The following MAGI1 variants were observed in gnomAD, a reference collection of about 807,000 sequenced individuals.
MAGI1 encodes the protein membrane-associated guanylate kinase, WW and PDZ domain-containing protein 1.
Under a neutral mutation model 139.9 loss-of-function variants are expected in MAGI1, and 58 were observed. The observed-to-expected ratio is 0.41, with a 90% confidence interval of 0.34 to 0.52. The LOEUF is 0.52. MAGI1 is among the 20% of genes least tolerant of loss of function. The pLI is 0.12. For missense variants in MAGI1, 1,874 were observed against 1,901.6 expected, an observed-to-expected ratio of 0.99 and a Z score of 0.27; for synonymous variants, 812 against 737.9, an observed-to-expected ratio of 1.10 and a Z score of -1.63.
chr3:65,372,415 G>T (rs1393764923), intron 18 of MAGI1, among the ~76,000 whole-genome samples: 1 of 152,146 alleles, frequency 6.6e-6, no homozygotes, highest in Non-Finnish European at 1.5e-5. Context: ...TGTCATCCAG[G>T]CTTTGTTGTT....
intron 1 of MAGI1, among the ~76,000 whole-genome samples, chr3:65,824,003 A>G (rs573110936): frequency 2.0e-5 from 3 of 152,300 alleles, no homozygotes; most frequent in African/African-American, 7.2e-5. Context: ...GTCCTCACTG[A>G]TAAAATGAAG....
At chr3:65,554,733 C>A (rs373267574) in intron 2 of MAGI1, among the ~76,000 whole-genome samples, 1 of 152,184 alleles carries the variant, frequency 6.6e-6, no homozygotes, top group East Asian at 1.9e-4. Flanking sequence ...CACAAAGAAC[C>A]CTCAGTCATC....
At chr3:65,681,656 C>A (rs1345789733) in intron 1 of MAGI1, among the ~76,000 whole-genome samples, 1 of 152,186 alleles carries the variant, frequency 6.6e-6, no homozygotes, top group Non-Finnish European at 1.5e-5. Flanking sequence ...TTTACTGAGA[C>A]TCAGTGCAAA....
chr3:65,664,539 C>A (rs1476530760), intron 1 of MAGI1, among the ~76,000 whole-genome samples: 3 of 152,146 alleles, frequency 2.0e-5, no homozygotes, highest in African/African-American at 7.2e-5. Flanking sequence ...TTGAACTCGA[C>A]CACACCAGTG....
At chr3:65,375,063 A>C (rs1575552393) in intron 18 of MAGI1, among the ~76,000 whole-genome samples, 1 of 152,218 alleles carries the variant, frequency 6.6e-6, no homozygotes, top group South Asian at 2.1e-4. Flanking sequence ...GTCACCATAT[A>C]ATACAGCTCA....
At chr3:65,995,398 A>C (rs2066390080) in intron 1 of MAGI1, among the ~76,000 whole-genome samples, 1 of 152,214 alleles carries the variant, frequency 6.6e-6, no homozygotes, top group South Asian at 2.1e-4. Context: ...AAGAAATAAT[A>C]AGACAGGTCA....
At chr3:65,835,735 A>G (rs146525303) in intron 1 of MAGI1, among the ~76,000 whole-genome samples, 1 of 152,210 alleles carries the variant, frequency 6.6e-6, no homozygotes, top group African/African-American at 2.4e-5. Flanking sequence ...AAATGAGAAC[A>G]TTCTTATTTT....
intron 2 of MAGI1, among the ~76,000 whole-genome samples, chr3:65,563,432 A>G (rs1270027833): frequency 6.6e-6 from 1 of 152,166 alleles, no homozygotes; most frequent in Non-Finnish European, 1.5e-5. Flanking sequence ...CTGATGTTGC[A>G]GAAATGATGG....
intron 1 of MAGI1, among the ~76,000 whole-genome samples, chr3:65,693,762 C>T (rs28394288): frequency 6.6e-6 from 1 of 152,002 alleles, no homozygotes; most frequent in Non-Finnish European, 1.5e-5. Flanking sequence ...CTTGTTCTGT[C>T]ACCCAGGCTG....
At chr3:65,358,559 C>G (rs1442592238) in intron 22 of MAGI1, among the ~76,000 whole-genome samples, 1 of 152,204 alleles carries the variant, frequency 6.6e-6, no homozygotes, top group African/African-American at 2.4e-5. Flanking sequence ...ATCTCTGTTA[C>G]AGCTATTCAG....
chr3:65,849,832 G>T lies in MAGI1; in HGVS notation c.313+188164C>A, dbSNP rs968689995. 2.1e-4 allele frequency among the ~76,000 whole-genome samples: 32 copies of T among 152,026 alleles called. 1 individual carries two copies. The highest frequency in any genetic ancestry group is 2.1e-3 in the Admixed American group (32 of 15,250). On this transcript the variant is annotated intron_variant, in intron 1 of 22. Coordinates refer to ENST00000402939, the MANE Select transcript of MAGI1 (RefSeq NM_001033057.2). ...AATACTTTCTCCTTCCTTTTTCCAG[G>T]TTCCACTAAAGATTTGATGTCAGTG...
At chr3:65,663,449 T>C (rs1316683286) in intron 1 of MAGI1, among the ~76,000 whole-genome samples, 1 of 152,182 alleles carries the variant, frequency 6.6e-6, no homozygotes, top group Non-Finnish European at 1.5e-5. Flanking sequence ...GTTTGAAATA[T>C]AGCACAATTA....
At chr3:66,029,672 G>A (rs568269986) in intron 1 of MAGI1, among the ~76,000 whole-genome samples, 49 of 152,232 alleles carry the variant, frequency 3.2e-4, no homozygotes, top group Middle Eastern at 6.8e-3. Context: ...TGACTCACTG[G>A]TCTCACCTCT....
At chr3:65,386,268 C>T (rs922213323) in intron 14 of MAGI1, among the ~76,000 whole-genome samples, 16 of 148,930 alleles carry the variant, frequency 1.1e-4, no homozygotes, top group African/African-American at 3.4e-4. Context: ...AAAAAAGCTT[C>T]GTTTCCTTCT....
At chr3:65,786,332 C>A (rs1183625265) in intron 1 of MAGI1, among the ~76,000 whole-genome samples, 2 of 148,198 alleles carry the variant, frequency 1.3e-5, no homozygotes, top group Non-Finnish European at 3.0e-5. Context: ...AGACCCACAC[C>A]AAACTGAAGT....
intron 2 of MAGI1, among the ~76,000 whole-genome samples, chr3:65,617,765 GA>G (rs2083451636): frequency 1.3e-5 from 2 of 151,524 alleles, no homozygotes; most frequent in African/African-American, 2.4e-5. Context: ...AAGTAAGGAA[GA>G]AAAAAATAAA....
Position 65,595,534 on chromosome 3 carries a change from G to A in MAGI1, c.430+26438C>T, listed in dbSNP as rs77398702. On this transcript the variant is annotated intron_variant, in intron 2 of 22. Coordinates refer to ENST00000402939, the MANE Select transcript of MAGI1 (RefSeq NM_001033057.2). Reference sequence around the variant, plus strand: ...AGTGAGGCTCTAGTCTCCCCTGGGGGTGGTTTCATATCAAACACACATGCC... The same window carrying A: ...AGTGAGGCTCTAGTCTCCCCTGGGGATGGTTTCATATCAAACACACATGCC... 8.1e-4 allele frequency among the ~76,000 whole-genome samples: 123 copies of A among 152,230 alleles called. 1 individual carries two copies. The highest frequency in any genetic ancestry group is 2.7e-3 in the South Asian group (13 of 4,822).
intron 12 of MAGI1, among the ~76,000 whole-genome samples, chr3:65,411,392 A>G (rs1945782566): frequency 6.6e-6 from 1 of 152,178 alleles, no homozygotes. Context: ...TCAACAGCTC[A>G]TTCACAGAGG....
intron 2 of MAGI1, among the ~76,000 whole-genome samples, chr3:65,607,332 T>C (rs1321795522): frequency 2.0e-5 from 3 of 151,910 alleles, no homozygotes; most frequent in Admixed American, 6.6e-5. Flanking sequence ...CTATTGTATA[T>C]GCCCCTGAAG....
Sources: gnomAD v4.1 joint callset for allele counts (sites outside exome capture counted in the v4.1 genomes callset) on GRCh38, gnomAD v4.1.1 for gene constraint, MANE v1.5 for transcripts, NCBI Gene and HGNC (gene_info 2026-07-23, HGNC 2026-07-21) for gene names.